Variants in DZIP1L observed in about 807,000 individuals in gnomAD.
DZIP1L encodes cilium assembly protein DZIP1L.
A neutral mutation model predicts 88.7 loss-of-function variants in DZIP1L; 90 were observed. The observed-to-expected ratio is 1.02, with a 90% CI of 0.86 to 1.21. The LOEUF (loss-of-function observed/expected upper bound fraction) is 1.21, where lower values mean the gene tolerates loss of function less well. DZIP1L is among the 50% of genes most tolerant of loss of function. The pLI, the probability that DZIP1L is intolerant of heterozygous loss-of-function variation, is 0.00. For synonymous variants in DZIP1L, 363 were observed against 372.1 expected (o/e 0.98, Z 0.28); for missense variants, 932 against 955.8 (o/e 0.98, Z 0.33).
At chr3:138,074,982 CA>C (rs1943338309) in intron 11 of DZIP1L, among the ~76,000 whole-genome samples, 2 of 152,068 alleles carry the variant, frequency 1.3e-5, no homozygotes, top group African/African-American at 4.8e-5. Context: ...AAATGGATAC[CA>C]AAAGCGAGCA....
chr3:138,100,419 T>C (rs760828067), intron 2 of DZIP1L, among the ~76,000 whole-genome samples: 2 of 152,250 alleles, frequency 1.3e-5, no homozygotes, highest in African/African-American at 2.4e-5. Context: ...TCTATCCTTA[T>C]AATAAACTAG....
Position 138,097,757 on chromosome 3 carries a change from A to T in DZIP1L, c.586+6T>A. ...AGAAGGGGCCCGGGCTGCTGTCTGG[A>T]CTCACCACCTTCTGCCACGCCTGCA... On this transcript the variant is annotated splice_donor_region_variant and intron_variant, in intron 3 of 15. Coordinates refer to ENST00000327532, the MANE Select transcript of DZIP1L (RefSeq NM_173543.3). 1.2e-6 allele frequency: 2 copies of T among 1,608,466 alleles called. No homozygotes were observed. The highest frequency in any genetic ancestry group is 1.7e-6 in the Non-Finnish European group (2 of 1,177,578).
Position 138,063,532 on chromosome 3 carries a change from G to C in DZIP1L, c.2143-555C>G, listed in dbSNP as rs1377252839. On this transcript the variant is annotated intron_variant, in intron 15 of 15. Coordinates refer to ENST00000327532, the MANE Select transcript of DZIP1L (RefSeq NM_173543.3). This position sits in a 1 kb window ranked among gnomAD's most constrained non-coding sequence, Gnocchi z 4.1. ...CAGCCAAGGGACCAGGCCACCCCCTGACCACAGCCACCTGCGTAGCAGCCC... is the reference window on the plus strand; with the variant it reads ...CAGCCAAGGGACCAGGCCACCCCCTCACCACAGCCACCTGCGTAGCAGCCC... 2.6e-5 allele frequency among the ~76,000 whole-genome samples: 4 copies of C among 152,170 alleles called. No homozygotes were observed. Among genetic ancestry groups the C allele is most frequent in the Non-Finnish European group, 5.9e-5 (4 of 68,032 alleles).
rs747104578 is a variant in DZIP1L at position 138,064,673 on chromosome 3, G to C, written c.2097C>G (p.Pro699=). The change falls in exon 15 of 16, where the codon CCC becomes CCG. Residue 699 remains proline (P), a synonymous_variant. Transcript: ENST00000327532. The part of the protein sequence containing the change: ...PAGGVSLFFM[P]NAGPQRAATP... ...TGGCAGCCCTCTGTGGCCCAGCATT[G>C]GGCATAAAAAACAGACTGACCCCTC... The C allele has an allele frequency of 6.2e-7, 1 of 1,614,066 alleles. No homozygotes were observed. The highest frequency in any genetic ancestry group is 2.2e-5 in the East Asian group (1 of 44,876).
chr3:138,090,979 G>T (rs1944192885), intron 5 of DZIP1L, among the ~76,000 whole-genome samples: 1 of 151,396 alleles, frequency 6.6e-6, no homozygotes, highest in Admixed American at 6.6e-5. Flanking sequence ...CACCTCCTGG[G>T]TTCAAGTGAT....
chr3:138,111,494 G>A (rs2042619353), intron 1 of DZIP1L, among the ~76,000 whole-genome samples: 1 of 152,164 alleles, frequency 6.6e-6, no homozygotes, highest in South Asian at 2.1e-4. Context: ...CTCAGTGTTG[G>A]AGCTTGCTTC....
intron 14 of DZIP1L, among the ~76,000 whole-genome samples, 158 bp downstream of exon 14, chr3:138,067,373 C>T (rs963517667): frequency 2.0e-5 from 3 of 152,130 alleles, no homozygotes; most frequent in East Asian, 1.9e-4. Context: ...ATATCTGAGG[C>T]GAAGGAGGAC....
intron 11 of DZIP1L, among the ~76,000 whole-genome samples, chr3:138,072,197 A>T (rs1202797911): frequency 6.6e-6 from 1 of 152,196 alleles, no homozygotes; most frequent in East Asian, 1.9e-4. Context: ...TTGTACTCCC[A>T]ATTACTATTA....
intron 5 of DZIP1L, among the ~76,000 whole-genome samples, chr3:138,090,151 TA>T (rs1223713026): frequency 2.0e-5 from 3 of 150,618 alleles, no homozygotes; most frequent in African/African-American, 7.3e-5. Context: ...AAAAAATAAA[TA>T]AATAAATAAA....
At position 138,101,458 on chromosome 3, in the gene DZIP1L, G is replaced by C. The variant is rs1576495134; in HGVS notation, c.501+2013C>G. 1.5e-5 allele frequency: 11 copies of C among 745,312 alleles called. No homozygotes were observed. In the East Asian group the frequency reaches 2.7e-4, roughly 18 times the overall value. 46.2% of individuals were successfully genotyped at this position (745,312 alleles called of 1,614,324 possible). ...GGGCAGCCGCAGGAGGGGCAGGCTGGGAGGGGCTGCCACAGCTGTTCACTT... is the reference window on the plus strand; with the variant it reads ...GGGCAGCCGCAGGAGGGGCAGGCTGCGAGGGGCTGCCACAGCTGTTCACTT... On this transcript the variant is annotated intron_variant, in intron 2 of 15. Coordinates refer to ENST00000327532, the MANE Select transcript of DZIP1L (RefSeq NM_173543.3).
At chr3:138,105,674 T>C (rs974266635) in intron 1 of DZIP1L, among the ~76,000 whole-genome samples, 1 of 151,952 alleles carries the variant, frequency 6.6e-6, no homozygotes, top group African/African-American at 2.4e-5. Context: ...ATATTTTTGA[T>C]CCGCAGTTTG....
At position 138,103,486 on chromosome 3, in the gene DZIP1L, G is replaced by A. The variant is rs752046665; in HGVS notation, c.486C>T (p.Thr162=). ...GATTCCTCACCGTGTGGTAGCTGTGGGTGCCTGTCTGCATTAGCAGCTGCT... is the reference window on the plus strand; with the variant it reads ...GATTCCTCACCGTGTGGTAGCTGTGAGTGCCTGTCTGCATTAGCAGCTGCT... The part of the protein sequence containing the change: ...TLQQLLMQTG[T]HSYHTCHLCD... Residue 162 remains threonine (T), a synonymous_variant, in exon 2 of 16, where the codon ACC becomes ACT. Transcript: ENST00000327532. 1 of 1,602,510 alleles carries A rather than the reference G, an allele frequency of 6.2e-7. No homozygotes were observed. Among genetic ancestry groups the A allele is most frequent in the Non-Finnish European group, 8.5e-7 (1 of 1,172,638 alleles).
At chr3:138,081,901 C>A in intron 8 of DZIP1L, 137 bp from the exon 9 acceptor site, 1 of 725,628 alleles carries the variant, frequency 1.4e-6, no homozygotes, top group Non-Finnish European at 2.2e-6. Flanking sequence ...CTGGAAGGAG[C>A]TCAGATGCAC....
intron 3 of DZIP1L, 81 bp from the exon 4 acceptor site, chr3:138,095,064 C>T: frequency 1.3e-6 from 2 of 1,593,174 alleles, no homozygotes; most frequent in Non-Finnish European, 1.7e-6. Flanking sequence ...GTCAATCAGC[C>T]ATACCTCGGT....
Position 138,063,255 on chromosome 3 carries a change from G to T in DZIP1L, c.2143-278C>A, listed in dbSNP as rs568672330. ...TTGGAAAGGCCTATGTGCAGAGAAG[G>T]TTGCTCTCATTTTCACTTCAACTTT... On this transcript the variant is annotated intron_variant, in intron 15 of 15. Coordinates refer to ENST00000327532, the MANE Select transcript of DZIP1L (RefSeq NM_173543.3). The surrounding 1 kb of genome is among the most constrained non-coding windows in gnomAD (Gnocchi z 4.1). Among the ~76,000 whole-genome samples, 1 of 152,282 alleles carries T rather than the reference G, an allele frequency of 6.6e-6. No homozygotes were observed. Among genetic ancestry groups the T allele is most frequent in the African/African-American group, 2.4e-5 (1 of 41,570 alleles).
intron 11 of DZIP1L, among the ~76,000 whole-genome samples, chr3:138,075,933 T>C (rs771313400): frequency 6.6e-6 from 1 of 151,912 alleles, no homozygotes; most frequent in Non-Finnish European, 1.5e-5. Flanking sequence ...CACTCCAGCA[T>C]GGTGACAGAG....
At position 138,080,630 on chromosome 3, in the gene DZIP1L, G is replaced by T; in HGVS notation, c.1235-10C>A. ...GGCACCTTGTGGATCCCTGAAGAGA[G>T]GAGGAACAGTTAGTGGCACCAGTGC... is the stretch of plus-strand genomic sequence containing the variant. On this transcript the variant is annotated splice_polypyrimidine_tract_variant and intron_variant, in intron 9 of 15. Coordinates refer to ENST00000327532, the MANE Select transcript of DZIP1L (RefSeq NM_173543.3). 6.2e-7 allele frequency: 1 copy of T among 1,612,458 alleles called. No individual in the cohort carries two copies. The highest frequency in any genetic ancestry group is 8.5e-7 in the Non-Finnish European group (1 of 1,179,146).
rs1205577909 is a variant in DZIP1L at position 138,084,130 on chromosome 3, C to A, written c.1186G>T (p.Ala396Ser). The A allele has an allele frequency of 5.0e-6, 8 of 1,613,850 alleles. No homozygotes were observed. Among genetic ancestry groups the A allele is most frequent in the Admixed American group, 1.7e-5 (1 of 59,990 alleles). The change falls in exon 8 of 16, where the codon GCC becomes TCC. Residue 396 changes from alanine (A) to serine (S), a missense_variant. Physicochemically the swap from Ala to Ser is moderately conservative, Grantham distance 99 (BLOSUM62 1). Coordinates refer to ENST00000327532, the MANE Select transcript of DZIP1L (RefSeq NM_173543.3). Reference protein sequence around the residue: ...AQLQEQARIIASQEEMIQSLS... With the variant: ...AQLQEQARIISSQEEMIQSLS... Reference sequence around the variant, plus strand: ...AGACCTACCATCTCCTCCTGGGAGGCAATGATCCTAGCTTGTTCCTGCAGC... The same window carrying A: ...AGACCTACCATCTCCTCCTGGGAGGAAATGATCCTAGCTTGTTCCTGCAGC...
intron 10 of DZIP1L, among the ~76,000 whole-genome samples, chr3:138,080,114 G>T (rs1487033018): frequency 6.6e-6 from 1 of 152,182 alleles, no homozygotes; most frequent in African/African-American, 2.4e-5. Context: ...GGGAGCCGAG[G>T]TGGATTCCTA....
Sources: gnomAD v4.1 joint callset for allele counts (sites outside exome capture counted in the v4.1 genomes callset) on GRCh38, gnomAD v4.1.1 for gene constraint, Gnocchi (gnomAD v3.1) non-coding constraint, MANE v1.5 for transcripts, NCBI Gene and HGNC (gene_info 2026-07-23, HGNC 2026-07-21) for gene names.